Variants in SFXN1 observed in about 807,000 individuals in gnomAD.
SFXN1 encodes the protein sideroflexin-1.
A neutral mutation model predicts 39.5 loss-of-function variants in SFXN1; 32 were observed. The observed-to-expected ratio is 0.81, with a 90% CI of 0.61 to 1.09. The LOEUF (loss-of-function observed/expected upper bound fraction) is 1.09. Ranked by LOEUF, SFXN1 falls within the 50% of genes least tolerant of loss-of-function variation. The pLI is 0.00. For synonymous variants in SFXN1, 136 were observed against 146.5 expected, an observed-to-expected ratio of 0.93 and a Z score of 0.52; for missense variants, 402 against 407.1, an observed-to-expected ratio of 0.99 and a Z score of 0.11.
At chr5:175,518,303 A>G (rs1350919429) in intron 8 of SFXN1, among the ~76,000 whole-genome samples, 1 of 152,150 alleles carries the variant, frequency 6.6e-6, no homozygotes, top group Non-Finnish European at 1.5e-5. Flanking sequence ...CCCTTTTATA[A>G]AAGTAGACTG....
At chr5:175,494,465 C>T (rs1287526049) in intron 2 of SFXN1, among the ~76,000 whole-genome samples, 1 of 152,178 alleles carries the variant, frequency 6.6e-6, no homozygotes, top group Non-Finnish European at 1.5e-5. Flanking sequence ...TATGCAAGTG[C>T]AGCCGGGCAC....
intron 1 of SFXN1, among the ~76,000 whole-genome samples, chr5:175,480,601 C>T (rs1162359900): frequency 6.6e-6 from 1 of 152,174 alleles, no homozygotes; most frequent in East Asian, 1.9e-4. Context: ...TTTAGCTGTT[C>T]TTAATTTTCT....
chr5:175,480,036 T>C (rs1271940120), intron 1 of SFXN1, among the ~76,000 whole-genome samples: 1 of 152,178 alleles, frequency 6.6e-6, no homozygotes, highest in Non-Finnish European at 1.5e-5. Context: ...ATGGGGTGGC[T>C]ACCAAGAAGT....
intron 10 of SFXN1, chr5:175,523,429 A>G (rs1463496233): frequency 6.6e-6 from 1 of 152,168 alleles, no homozygotes; most frequent in Admixed American, 6.5e-5. Flanking sequence ...CAACCTGAGA[A>G]TGTCCATTTC....
In SFXN1 at chr5:175,512,203, C is replaced by A; in HGVS notation, c.596+7C>A. ...TTCCATTAATGAGGCAAAGGTAAGA[C>A]GAATATGCACTCTTAGTAGGGACAT... On this transcript the variant is annotated splice_region_variant and intron_variant, in intron 6 of 10. Transcript: ENST00000321442. 2 of 1,612,016 alleles carry A rather than the reference C, an allele frequency of 1.2e-6. No homozygotes were observed. The highest frequency in any genetic ancestry group is 1.7e-6 in the Non-Finnish European group (2 of 1,178,218).
chr5:175,503,041 A>G (rs1230686442), intron 2 of SFXN1, among the ~76,000 whole-genome samples: 2 of 152,180 alleles, frequency 1.3e-5, no homozygotes, highest in African/African-American at 4.8e-5. Flanking sequence ...AAGGTAATAT[A>G]GTGTTAGAAA....
rs1319452398 is a variant in SFXN1 at position 175,527,268 on chromosome 5, G to A, written c.*534G>A. 6.5e-6 allele frequency: 1 copy of A among 152,680 alleles called. No homozygotes were observed. The highest frequency in any genetic ancestry group is 1.5e-5 in the Non-Finnish European group (1 of 68,418). The allele number at this position is 152,680 out of a possible 1,614,324, so 9.5% of individuals were successfully genotyped here. On this transcript the variant is annotated 3_prime_UTR_variant, in exon 11 of 11. Coordinates refer to ENST00000321442, the MANE Select transcript of SFXN1 (RefSeq NM_022754.7). ...TTGGGGATTGCGCTAGCCCAATGAA[G>A]GTGATGAAGCTTTTGGATTTGGAGG... is the stretch of plus-strand genomic sequence containing the variant.
intron 10 of SFXN1, among the ~76,000 whole-genome samples, chr5:175,525,537 A>G (rs956525853): frequency 2.6e-5 from 4 of 152,148 alleles, no homozygotes; most frequent in Non-Finnish European, 1.5e-5. Context: ...TTTGTTTTGC[A>G]TATTTTAAAT....
At chr5:175,522,224 TA>T in intron 9 of SFXN1, 150 bp from the exon 10 acceptor site, 1 of 811,770 alleles carries the variant, frequency 1.2e-6, no homozygotes, top group Non-Finnish European at 1.8e-6. Context: ...TCCTAGGTAA[TA>T]AAACTTACAC....
chr5:175,498,620 A>G (rs1276975454), intron 2 of SFXN1, among the ~76,000 whole-genome samples: 1 of 152,214 alleles, frequency 6.6e-6, no homozygotes, highest in Non-Finnish European at 1.5e-5. Context: ...AAGTCTAACC[A>G]TTCTAAAGAA....
intron 2 of SFXN1, among the ~76,000 whole-genome samples, chr5:175,504,790 G>A (rs576934909): frequency 1.4e-4 from 22 of 151,976 alleles, no homozygotes; most frequent in Non-Finnish European, 2.5e-4. Flanking sequence ...GTGCAGTGGC[G>A]CGATCTTGGT....
At position 175,500,403 on chromosome 5, in the gene SFXN1, A is replaced by AACACACAC. The variant is rs4008099; in HGVS notation, c.164+8180_164+8187dup. 4.6e-3 allele frequency among the ~76,000 whole-genome samples: 590 copies of AACACACAC among 127,278 alleles called. 5 individuals carry two copies. Among genetic ancestry groups the AACACACAC allele is most frequent in the Admixed American group, 6.8e-3 (80 of 11,792 alleles). 83.5% of individuals were successfully genotyped at this position (127,278 alleles called of 152,430 possible). A position where few individuals can be genotyped will look rare whatever the true frequency, so the allele number is the denominator to read the frequency against. Reference sequence around the variant, plus strand: ...AAAATATATAAAATGCCTGTACACCAACACACACACACACACACACACACA... The same window carrying AACACACAC: ...AAAATATATAAAATGCCTGTACACCAACACACACACACACACACACACACACACACACA... On this transcript the variant is annotated intron_variant, in intron 2 of 10. Coordinates refer to ENST00000321442, the MANE Select transcript of SFXN1 (RefSeq NM_022754.7).
intron 10 of SFXN1, among the ~76,000 whole-genome samples, chr5:175,526,343 C>G (rs1761059636): frequency 6.6e-6 from 1 of 152,120 alleles, no homozygotes; most frequent in Non-Finnish European, 1.5e-5. Context: ...CCAACACCAG[C>G]AGGGCCTGAG....
intron 8 of SFXN1, among the ~76,000 whole-genome samples, chr5:175,519,642 T>C (rs1264325218): frequency 6.6e-6 from 1 of 152,024 alleles, no homozygotes; most frequent in Non-Finnish European, 1.5e-5. Flanking sequence ...TATAATGGGG[T>C]GCAGGGTTTA....
chr5:175,500,647 T>A (rs777663081), intron 2 of SFXN1, among the ~76,000 whole-genome samples: 1 of 152,096 alleles, frequency 6.6e-6, no homozygotes, highest in Non-Finnish European at 1.5e-5. Context: ...TATGTGGAAA[T>A]ACAGGGAGCC....
At chr5:175,506,417 AAGAT>A (rs960134074) in intron 2 of SFXN1, among the ~76,000 whole-genome samples, 4 of 152,212 alleles carry the variant, frequency 2.6e-5, no homozygotes, top group Admixed American at 1.3e-4. Context: ...GTAGAGAAAA[AAGAT>A]AGAAGACATA....
intron 4 of SFXN1, 115 bp from the exon 5 acceptor site, chr5:175,511,336 C>T (rs553379727): frequency 7.5e-6 from 6 of 798,754 alleles, no homozygotes; most frequent in Admixed American, 6.6e-5. Flanking sequence ...GTTTTGTAGA[C>T]TCTTCATTCT....
intron 8 of SFXN1, among the ~76,000 whole-genome samples, chr5:175,519,324 A>G (rs911662642): frequency 6.6e-6 from 1 of 152,236 alleles, no homozygotes; most frequent in Non-Finnish European, 1.5e-5. Context: ...ATGCTGCCCT[A>G]TGATCCAGCC....
At chr5:175,481,871 T>TA (rs1293801840) in intron 1 of SFXN1, among the ~76,000 whole-genome samples, 1 of 149,454 alleles carries the variant, frequency 6.7e-6, no homozygotes, top group Non-Finnish European at 1.5e-5. Flanking sequence ...GCCATGCCCA[T>TA]AAAAAAGGCC....
Sources: allele counts gnomAD v4.1 joint callset (sites outside exome capture counted in the v4.1 genomes callset), GRCh38; gene constraint gnomAD v4.1.1; transcripts MANE v1.5; gene names NCBI Gene and HGNC (gene_info 2026-07-23, HGNC 2026-07-21).